Variants in PCCA observed in about 807,000 individuals in gnomAD.
The protein encoded by PCCA is propionyl-CoA carboxylase subunit alpha, also known as propionyl-CoA carboxylase alpha chain, mitochondrial.
In PCCA, 74 loss-of-function variants were observed where a neutral mutation model predicts 101.3. That is an observed-to-expected ratio of 0.73 (90% confidence interval 0.61 to 0.89). The LOEUF (loss-of-function observed/expected upper bound fraction) is 0.89. PCCA is among the 40% of genes least tolerant of loss of function. PCCA has a pLI of 0.00. For synonymous variants in PCCA, 294 were observed against 313.6 expected, an observed-to-expected ratio of 0.94 and a Z score of 0.66; for missense variants, 891 against 907.0, an observed-to-expected ratio of 0.98 and a Z score of 0.23.
At chr13:100,499,391 T>G (rs992148009) in intron 21 of PCCA, among the ~76,000 whole-genome samples, 1 of 152,242 alleles carries the variant, frequency 6.6e-6, no homozygotes, top group African/African-American at 2.4e-5. Context: ...TTTGTGATTC[T>G]GATGTTGATG....
intron 18 of PCCA, among the ~76,000 whole-genome samples, chr13:100,367,969 T>A (rs528899032): frequency 1.3e-5 from 2 of 151,858 alleles, no homozygotes; most frequent in African/African-American, 4.8e-5. Context: ...AAAATAATAA[T>A]AATAATTAAA....
At chr13:100,401,565 AT>A (rs576214122) in intron 19 of PCCA, among the ~76,000 whole-genome samples, 14 of 150,036 alleles carry the variant, frequency 9.3e-5, no homozygotes, top group African/African-American at 1.7e-4. Flanking sequence ...TGTTTTTTTT[AT>A]TTTTTTTTAA....
intron 4 of PCCA, among the ~76,000 whole-genome samples, chr13:100,128,617 C>CTCTG (rs2050190573): frequency 1.3e-5 from 2 of 152,134 alleles, no homozygotes; most frequent in Admixed American, 1.3e-4. Flanking sequence ...TGCGCAAAGG[C>CTCTG]TCTGAGTCAC....
chr13:100,512,556 A>G (rs1349557645), intron 21 of PCCA, among the ~76,000 whole-genome samples: 1 of 152,162 alleles, frequency 6.6e-6, no homozygotes, highest in Non-Finnish European at 1.5e-5. Context: ...CGCACTGACC[A>G]GCCCCGAGCT....
At chr13:100,128,317 T>C (rs948048137) in intron 4 of PCCA, among the ~76,000 whole-genome samples, 13 of 152,198 alleles carry the variant, frequency 8.5e-5, no homozygotes, top group Non-Finnish European at 1.5e-4. Context: ...TTTATTACTT[T>C]GAAGGCAGAG....
chr13:100,270,252 A>ATAAG (rs2063219465), intron 11 of PCCA, among the ~76,000 whole-genome samples: 1 of 152,098 alleles, frequency 6.6e-6, no homozygotes, highest in African/African-American at 2.4e-5. Flanking sequence ...TTAGACACTT[A>ATAAG]GCTAGGGAGA....
intron 1 of PCCA, among the ~76,000 whole-genome samples, chr13:100,102,524 C>T (rs1052262999): frequency 1.3e-5 from 2 of 152,146 alleles, no homozygotes; most frequent in South Asian, 2.1e-4. Flanking sequence ...TTTGAAGCTC[C>T]TTGAGACCAA....
At position 100,109,279 on chromosome 13, in the gene PCCA, G is replaced by A. The variant is rs558450176; in HGVS notation, c.184-2562G>A. ...TACCAGGAAATGAGAGGCAAGAAGG[G>A]TGACTTGTTCATAGCAGGACACACA... On this transcript the variant is annotated intron_variant, in intron 2 of 23. Transcript: ENST00000376285. Among the ~76,000 whole-genome samples, 5 of 152,312 alleles carry A rather than the reference G, an allele frequency of 3.3e-5. 1 individual carries two copies. The highest frequency in any genetic ancestry group is 1.2e-4 in the African/African-American group (5 of 41,582).
At chr13:100,475,475 A>G (rs2083346648) in intron 21 of PCCA, among the ~76,000 whole-genome samples, 1 of 152,240 alleles carries the variant, frequency 6.6e-6, no homozygotes, top group African/African-American at 2.4e-5. Flanking sequence ...AGCACATGCC[A>G]GTACATCATT....
chr13:100,173,708 G>A (rs1046168091), intron 6 of PCCA, among the ~76,000 whole-genome samples: 4 of 150,198 alleles, frequency 2.7e-5, no homozygotes, highest in African/African-American at 9.8e-5. Flanking sequence ...TGGTTTGGCT[G>A]TGTCCCCACC....
chr13:100,328,991 CTTTTTTT>C (rs534310079), intron 16 of PCCA, among the ~76,000 whole-genome samples: 1 of 96,364 alleles, frequency 1.0e-5, no homozygotes, highest in African/African-American at 4.0e-5. Context: ...CGCGCCTGGA[CTTTTTTT>C]TTTTTTTTTT....
intron 20 of PCCA, 63 bp from the exon 21 acceptor site, chr13:100,449,189 G>A (rs1168086169): frequency 1.2e-5 from 12 of 1,034,696 alleles, no homozygotes; most frequent in Middle Eastern, 2.0e-4. Context: ...TTTGGCTATC[G>A]TGAACATTAC....
intron 19 of PCCA, 63 bp from the exon 20 acceptor site, chr13:100,425,570 A>G (rs2079083611): frequency 6.2e-6 from 7 of 1,122,888 alleles, no homozygotes; most frequent in East Asian, 2.4e-5. Context: ...GTATGCAGCA[A>G]TGAACTTGAG....
At chr13:100,513,347 C>A (rs535262550) in intron 21 of PCCA, among the ~76,000 whole-genome samples, 5 of 152,176 alleles carry the variant, frequency 3.3e-5, no homozygotes, top group Non-Finnish European at 7.4e-5. Context: ...TCACTTATCC[C>A]CCAAACAGAT....
At chr13:100,443,133 A>T (rs1267126995) in intron 20 of PCCA, among the ~76,000 whole-genome samples, 1 of 152,136 alleles carries the variant, frequency 6.6e-6, no homozygotes. Context: ...TGCAGACCTC[A>T]GGTGAGAGGT....
At chr13:100,284,225 C>T (rs2064389847) in intron 12 of PCCA, among the ~76,000 whole-genome samples, 1 of 152,198 alleles carries the variant, frequency 6.6e-6, no homozygotes, top group African/African-American at 2.4e-5. Context: ...TTTTCACATG[C>T]CTTTCTTGTT....
chr13:100,268,241 T>C (rs1413251348), intron 10 of PCCA, among the ~76,000 whole-genome samples: 2 of 152,330 alleles, frequency 1.3e-5, no homozygotes, highest in African/African-American at 4.8e-5. Context: ...CATAGATAGA[T>C]AACAGATTAC....
chr13:100,243,554 T>A (rs2061273576), intron 8 of PCCA, among the ~76,000 whole-genome samples: 2 of 152,232 alleles, frequency 1.3e-5, no homozygotes. Context: ...ATATACTTGT[T>A]AGTGACTACT....
At chr13:100,462,627 T>G (rs2082245232) in intron 21 of PCCA, among the ~76,000 whole-genome samples, 1 of 152,200 alleles carries the variant, frequency 6.6e-6, no homozygotes, top group Non-Finnish European at 1.5e-5. Flanking sequence ...ATTTTATTTG[T>G]CAAGTACACC....
Sources: allele counts gnomAD v4.1 joint callset (sites outside exome capture counted in the v4.1 genomes callset), GRCh38; gene constraint gnomAD v4.1.1; transcripts MANE v1.5; gene names NCBI Gene and HGNC (gene_info 2026-07-23, HGNC 2026-07-21).